Variants in GLA observed in about 807,000 individuals in gnomAD.
The protein encoded by GLA is alpha-galactosidase A.
GLA carries 4 observed loss-of-function variants against 28.2 expected under a neutral mutation model. The observed-to-expected ratio is 0.14, with a 90% confidence interval of 0.07 to 0.32. The LOEUF is 0.32. GLA is among the 10% of genes least tolerant of loss of function. The probability of loss-of-function intolerance (pLI) is 1.00; values close to 1 mark genes in which losing one functional copy is unlikely to be tolerated. For synonymous variants in GLA, 94 were observed against 113.0 expected (o/e 0.83, Z 1.07); for missense variants, 203 against 323.7 (o/e 0.63, Z 2.86).
At chrX:101,399,144 A>G (rs1928207120) in intron 4 of GLA, among the ~76,000 whole-genome samples, 198 bp from the exon 5 acceptor site, 1 of 100,348 alleles carries the variant, frequency 1.0e-5, no homozygotes, top group South Asian at 4.2e-4. Context: ...GAAATCCCTT[A>G]AAGTTAATTT....
chrX:101,403,065 C>T (rs896932672), intron 2 of GLA, among the ~76,000 whole-genome samples: 2 of 109,337 alleles, frequency 1.8e-5, no homozygotes, highest in East Asian at 5.9e-4. Context: ...TTTGGGAGGC[C>T]GAGGTGGGCG....
In GLA at chrX:101,407,911, G is replaced by C. The variant is rs371291716; in HGVS notation, c.-8C>G. On this transcript the variant is annotated 5_prime_UTR_variant, in exon 1 of 7. Transcript: ENST00000218516. Reference sequence around the variant, plus strand: ...TGGGTTCCTCAGCTGCATTGTCACGGTGACCGGACAGCATAAATTTCCGCG... The same window carrying C: ...TGGGTTCCTCAGCTGCATTGTCACGCTGACCGGACAGCATAAATTTCCGCG... 219 of 1,202,489 alleles carry C rather than the reference G, an allele frequency of 1.8e-4. No homozygotes were observed. Among genetic ancestry groups the C allele is most frequent in the Non-Finnish European group, 2.2e-4 (192 of 888,552 alleles).
intron 1 of GLA, among the ~76,000 whole-genome samples, chrX:101,406,312 T>C (rs1211741139): frequency 9.1e-6 from 1 of 110,405 alleles, no homozygotes; most frequent in African/African-American, 3.3e-5. Context: ...GGTCTTGCCA[T>C]TAGCCAAACA....
intron 4 of GLA, 25 bp from the exon 5 acceptor site, chrX:101,398,971 T>G: frequency 8.6e-7 from 1 of 1,168,091 alleles, no homozygotes; most frequent in Non-Finnish European, 1.2e-6. Flanking sequence ...ATGACTCTTC[T>G]GTTTACTTTC....
intron 6 of GLA, 66 bp downstream of exon 6, chrX:101,398,303 AT>A: frequency 1.1e-6 from 1 of 892,432 alleles, no homozygotes; most frequent in Non-Finnish European, 1.6e-6. Flanking sequence ...AAAAAAATAG[AT>A]TTAGGCCCAA....
intron 1 of GLA, among the ~76,000 whole-genome samples, chrX:101,407,434 AGAAGAG>A (rs1444178319): frequency 1.9e-5 from 2 of 106,437 alleles, no homozygotes; most frequent in African/African-American, 7.1e-5. Flanking sequence ...GAGAGAGGAA[AGAAGAG>A]AAAGAGAAAG....
Position 101,397,818 on chromosome X carries a change from G to A in GLA, c.1281C>T (p.Asp427=), listed in dbSNP as rs782653403. ...CAATAAAATAAACATTTTAAAGTAA[G>A]TCTTTTAATGACATCTGCATTGTAT... The part of the protein sequence containing the change: ...LENTMQMSLK[D]LL Residue 427 remains aspartate (D), a synonymous_variant, in exon 7 of 7, where the codon GAC becomes GAT. Transcript: ENST00000218516. 1 of 1,196,569 alleles carries A rather than the reference G, an allele frequency of 8.4e-7. No individual in the cohort carries two copies.
chrX:101,402,743 G>A (rs1186710330), intron 2 of GLA, among the ~76,000 whole-genome samples: 3 of 109,291 alleles, frequency 2.7e-5, no homozygotes, highest in African/African-American at 1.0e-4. Context: ...CAGCCTGGGC[G>A]ACAGAGCGAG....
At chrX:101,407,485 A>AGAGAGAGAGAGAGAG (rs1569305942) in intron 1 of GLA, among the ~76,000 whole-genome samples, 1 of 111,224 alleles carries the variant, frequency 9.0e-6, no homozygotes, top group African/African-American at 3.3e-5. Context: ...AGAGAGAAAG[A>AGAGAGAGAGAGAGAG]AACAGGGGCC....
At chrX:101,398,324 G>A (rs1314051620) in intron 6 of GLA, 46 bp downstream of exon 6, 1 of 954,839 alleles carries the variant, frequency 1.0e-6, no homozygotes, top group Non-Finnish European at 1.5e-6. Context: ...AGACAAAGTT[G>A]GTATTGGGTA....
chrX:101,406,463 A>G, intron 1 of GLA, among the ~76,000 whole-genome samples: 1 of 111,441 alleles, frequency 9.0e-6, no homozygotes. Flanking sequence ...GTGGGGGGAA[A>G]TCTTTATTTT....
intron 1 of GLA, among the ~76,000 whole-genome samples, chrX:101,404,724 C>T (rs1200013250): frequency 9.2e-6 from 1 of 109,074 alleles, no homozygotes; most frequent in Non-Finnish European, 1.9e-5. Context: ...CATGTGCCAT[C>T]GCATCCGGCT....
At chrX:101,401,901 C>T in intron 2 of GLA, 92 bp from the exon 3 acceptor site, 3 of 857,005 alleles carry the variant, frequency 3.5e-6, no homozygotes, top group Non-Finnish European at 5.2e-6. Context: ...GGGGAAGAGA[C>T]AAGGTTACTT....
In GLA at chrX:101,407,869, C is replaced by A; in HGVS notation, c.35G>T (p.Cys12Phe). 1.7e-5 allele frequency: 20 copies of A among 1,211,863 alleles called. No homozygotes were observed. The highest frequency in any genetic ancestry group is 2.0e-5 in the Non-Finnish European group (18 of 895,322). The change falls in exon 1 of 7, where the codon TGC becomes TTC. Residue 12 changes from cysteine to phenylalanine, a missense_variant. This residue lies in a region of GLA where 30 missense variants were observed against 32.2 expected (regional missense o/e 0.93). Transcript: ENST00000218516. ...QLRNPELHLG[C>F]ALALRFLALV... Reference sequence around the variant, plus strand: ...GGCCAGGAAGCGAAGCGCAAGCGCGCAGCCCAGATGTAGTTCTGGGTTCCT... The same window carrying A: ...GGCCAGGAAGCGAAGCGCAAGCGCGAAGCCCAGATGTAGTTCTGGGTTCCT...
At chrX:101,406,040 TAAA>T (rs34454314) in intron 1 of GLA, among the ~76,000 whole-genome samples, 2 of 42,559 alleles carry the variant, frequency 4.7e-5, no homozygotes, top group Non-Finnish European at 4.2e-5. Flanking sequence ...CCGTCTGTAC[TAAA>T]AAAAAAAAAA....
At chrX:101,403,680 C>T (rs377624594) in intron 2 of GLA, 131 bp downstream of exon 2, 12 of 608,725 alleles carry the variant, frequency 2.0e-5, no homozygotes, top group East Asian at 3.5e-5. Flanking sequence ...CCACCCGCCT[C>T]GGCCTCCCAA....
intron 1 of GLA, among the ~76,000 whole-genome samples, chrX:101,404,386 G>A (rs782137545): frequency 9.0e-5 from 10 of 111,140 alleles, no homozygotes; most frequent in Non-Finnish European, 1.7e-4. Context: ...TTTAAGATAC[G>A]TGCAAGGCCC....
intron 1 of GLA, among the ~76,000 whole-genome samples, chrX:101,406,040 TAAAAAAAAAAA>T (rs34454314): frequency 2.3e-5 from 1 of 42,561 alleles, no homozygotes; most frequent in African/African-American, 1.0e-4. Context: ...CCGTCTGTAC[TAAAAAAAAAAA>T]AAAAAAAAAA....
chrX:101,400,705 G>A lies in GLA; in HGVS notation c.600C>T (p.Tyr200=), dbSNP rs1555985546. The change falls in exon 4 of 7, where the codon TAC becomes TAT. Residue 200 remains tyrosine (Y), a synonymous_variant. Coordinates refer to ENST00000218516, the MANE Select transcript of GLA (RefSeq NM_000169.3). The stretch of plus-strand genomic sequence containing the variant: ...ACATATAAAGAGGCCACTCACAGGA[G>A]TACACAATGCTTCTGCCAGTCCTAT... ...ALNRTGRSIV[Y]SCEWPLYMWP... 1 of 1,193,777 alleles carries A rather than the reference G, an allele frequency of 8.4e-7. No individual in the cohort carries two copies.
Sources: allele counts gnomAD v4.1 joint callset (sites outside exome capture counted in the v4.1 genomes callset), GRCh38; gene constraint gnomAD v4.1.1; regional missense constraint gnomAD v4.1.1; transcripts MANE v1.5; gene names NCBI Gene and HGNC (gene_info 2026-07-23, HGNC 2026-07-21).